RYR2: variants seen among roughly 807,000 people sequenced by gnomAD.
RYR2 encodes the protein ryanodine receptor 2.
Under a neutral mutation model 601.1 loss-of-function variants are expected in RYR2, and 227 were observed. The ratio of observed to expected loss-of-function variants is 0.38; its 90% CI spans 0.34 to 0.42. The LOEUF is 0.42. Among genes scored for constraint, RYR2 ranks in the 10% least tolerant of loss-of-function variants. The pLI, the probability that RYR2 is intolerant of heterozygous loss-of-function variation, is 1.00. For missense variants in RYR2, 4,646 were observed against 6,156.5 expected (o/e 0.75, Z 8.21); for synonymous variants, 2,223 against 2,175.1 (o/e 1.02, Z -0.61).
At chr1:237,667,622 G>T (rs953231583) in intron 57 of RYR2, among the ~76,000 whole-genome samples, 3 of 152,064 alleles carry the variant, frequency 2.0e-5, no homozygotes, top group Non-Finnish European at 2.9e-5. Context: ...AGCTATTTTG[G>T]TTTCATTATT....
In RYR2 at chr1:237,106,690, G is replaced by A. The variant is rs957284554; in HGVS notation, c.48+64121G>A. Among the ~76,000 whole-genome samples, 12 of 152,116 alleles carry A rather than the reference G, an allele frequency of 7.9e-5. No homozygotes were observed. Among genetic ancestry groups the A allele is most frequent in the Non-Finnish European group, 1.3e-4 (9 of 68,026 alleles). ...TCCCTTTTTCAGACATGGCACCTTC[G>A]TCCATTTGGGCTGCTATAACAAAAT... On this transcript the variant is annotated intron_variant, in intron 1 of 104. Coordinates refer to ENST00000366574, the MANE Select transcript of RYR2 (RefSeq NM_001035.3). This position sits in a 1 kb window ranked among gnomAD's most constrained non-coding sequence, Gnocchi z 4.4.
rs1672413566 is a variant in RYR2, at chr1:237,569,301, G to C, written c.3580G>C (p.Asp1194His). 4.3e-6 allele frequency: 7 copies of C among 1,613,792 alleles called. No homozygotes were observed. The South Asian group carries it at 7.7e-5, about 18-fold the overall frequency. The change falls in exon 29 of 105, where the codon GAC becomes CAC. Residue 1194 changes from aspartate (D) to histidine (H), a missense_variant. Asp to His is a moderately conservative substitution (Grantham distance 81). Around this residue, in one of 17 missense-constraint regions of RYR2, gnomAD observed 1,807 missense variants for 2,088.1 expected, o/e 0.87. Coordinates refer to ENST00000366574, the MANE Select transcript of RYR2 (RefSeq NM_001035.3). ...TTCAGGCTCAGAACTGGCTTTCAAG[G>C]ACTTTGATGTTGGCGATGGTAAGTC... Reference protein sequence around the residue: ...DDSGSELAFKDFDVGDGFIPV... With the variant: ...DDSGSELAFKHFDVGDGFIPV...
chr1:237,760,828 A>T, intron 83 of RYR2, 127 bp from the exon 84 acceptor site: 1 of 669,358 alleles, frequency 1.5e-6, no homozygotes, highest in South Asian at 1.8e-5. Context: ...GAATGGAGAC[A>T]TGTTTTCAGT....
At chr1:237,804,547 G>C (rs1660391954) in intron 98 of RYR2, among the ~76,000 whole-genome samples, 1 of 152,036 alleles carries the variant, frequency 6.6e-6, no homozygotes, top group South Asian at 2.1e-4. Flanking sequence ...CCATAAGTAA[G>C]AGCAGCCACC....
intron 2 of RYR2, among the ~76,000 whole-genome samples, chr1:237,326,215 C>T (rs1055590745): frequency 6.6e-6 from 1 of 151,534 alleles, no homozygotes; most frequent in African/African-American, 2.4e-5. Context: ...GATTTTTTTC[C>T]CCCTCTAAGA....
chr1:237,493,162 C>T, intron 19 of RYR2, 75 bp downstream of exon 19: 3 of 1,522,026 alleles, frequency 2.0e-6, no homozygotes, highest in Non-Finnish European at 2.7e-6. Flanking sequence ...GTAGCTGATA[C>T]TATATGGTCT....
rs1488208062 is a variant in RYR2, at chr1:237,610,438, A to G, written c.4684-324A>G. ...CCTAAAGACTTGCCAGCTTTCCCGG[A>G]GGTCCCAGCCTGGTAAAGAAATATA... On this transcript the variant is annotated intron_variant, in intron 35 of 104. Transcript: ENST00000366574. This position sits in a 1 kb window ranked among gnomAD's most constrained non-coding sequence, Gnocchi z 4.9. Among the ~76,000 whole-genome samples, 4 of 152,154 alleles carry G rather than the reference A, an allele frequency of 2.6e-5. No individual in the cohort carries two copies. The highest frequency in any genetic ancestry group is 4.8e-5 in the African/African-American group (2 of 41,426).
chr1:237,651,083 T>C (rs1573343926), intron 50 of RYR2, among the ~76,000 whole-genome samples: 1 of 152,158 alleles, frequency 6.6e-6, no homozygotes, highest in Admixed American at 6.5e-5. Flanking sequence ...GGAAGAGACA[T>C]TTACTAAAGT....
chr1:237,785,446 G>A (rs1036295338), intron 90 of RYR2, among the ~76,000 whole-genome samples: 14 of 152,168 alleles, frequency 9.2e-5, no homozygotes, highest in Admixed American at 8.5e-4. Flanking sequence ...GACACCACTG[G>A]GTATCATAGG....
At chr1:237,806,370 A>G in intron 99 of RYR2, 87 bp downstream of exon 99, 3 of 1,316,938 alleles carry the variant, frequency 2.3e-6, no homozygotes, top group East Asian at 4.6e-5. Context: ...CTCAAATGAC[A>G]ATGTACAGTT....
Position 237,248,245 on chromosome 1 carries a change from C to T in RYR2, c.49-22252C>T, listed in dbSNP as rs943733483. 1.2e-4 allele frequency among the ~76,000 whole-genome samples: 16 copies of T among 131,732 alleles called. 1 individual carries two copies. Among genetic ancestry groups the T allele is most frequent in the South Asian group, 2.7e-4 (1 of 3,732 alleles). 86.4% of individuals were successfully genotyped at this position (131,732 alleles called of 152,430 possible). A position where few individuals can be genotyped will look rare whatever the true frequency, so the allele number is the denominator to read the frequency against. On this transcript the variant is annotated intron_variant, in intron 1 of 104. Coordinates refer to ENST00000366574, the MANE Select transcript of RYR2 (RefSeq NM_001035.3). ...CGAGATCACACCACTGCACTCCAGC[C>T]TTGACAATAGAGCAAGACTCCACCC... is the stretch of plus-strand genomic sequence containing the variant.
At chr1:237,685,853 C>T (rs562759649) in intron 62 of RYR2, among the ~76,000 whole-genome samples, 7 of 152,026 alleles carry the variant, frequency 4.6e-5, no homozygotes, top group Non-Finnish European at 1.0e-4. Flanking sequence ...ATATTTTGTT[C>T]TGATAAGAAA....
intron 14 of RYR2, 121 bp downstream of exon 14, chr1:237,445,643 T>A (rs1028469765): frequency 3.3e-6 from 4 of 1,219,606 alleles, no homozygotes; most frequent in Non-Finnish European, 4.6e-6. Context: ...GTTTGGTAAG[T>A]CAGCAGAAAC....
At chr1:237,692,566 C>T (rs1687040722) in intron 63 of RYR2, among the ~76,000 whole-genome samples, 2 of 152,170 alleles carry the variant, frequency 1.3e-5, no homozygotes, top group African/African-American at 4.8e-5. Flanking sequence ...CCAGTCTCTC[C>T]TCCTCCCTAT....
chr1:237,779,062 C>T (rs1694889575), intron 88 of RYR2, among the ~76,000 whole-genome samples: 1 of 152,178 alleles, frequency 6.6e-6, no homozygotes, highest in Non-Finnish European at 1.5e-5. Flanking sequence ...AAACATTGTA[C>T]ATTTCACAAG....
rs371262363 is a variant in RYR2, at chr1:237,469,144, C to G, written c.1665C>G (p.Leu555=). 6.2e-7 allele frequency: 1 copy of G among 1,611,852 alleles called. No homozygotes were observed. Among genetic ancestry groups the G allele is most frequent in the Non-Finnish European group, 8.5e-7 (1 of 1,179,052 alleles). ...RKNCAQFSGS[L]DWLISRLERL... ...ACTGTGCTCAATTTTCTGGCTCCCT[C>G]GACTGGTTGATCAGCAGATTGGAAA... Residue 555 remains leucine (L), a synonymous_variant, in exon 17 of 105, where the codon CTC becomes CTG. Coordinates refer to ENST00000366574, the MANE Select transcript of RYR2 (RefSeq NM_001035.3).
intron 1 of RYR2, among the ~76,000 whole-genome samples, chr1:237,128,378 G>C (rs1221717345): frequency 6.6e-6 from 1 of 152,148 alleles, no homozygotes; most frequent in African/African-American, 2.4e-5. Flanking sequence ...GAGAGGGAGA[G>C]GCAGACCGTG....
At chr1:237,111,012 A>G (rs1669407816) in intron 1 of RYR2, among the ~76,000 whole-genome samples, 1 of 152,154 alleles carries the variant, frequency 6.6e-6, no homozygotes, top group Non-Finnish European at 1.5e-5. Flanking sequence ...AGCCTCTGGT[A>G]CTGGGCCACT....
At chr1:237,671,526 TGTGTGTGTGTGTGC>T (rs1402607943) in intron 58 of RYR2, among the ~76,000 whole-genome samples, 2 of 151,556 alleles carry the variant, frequency 1.3e-5, no homozygotes, top group African/African-American at 4.9e-5. Flanking sequence ...TGTGCGTGTG[TGTGTGTGTGTGTGC>T]GTGTGAGAGA....
Sources: gnomAD v4.1 joint callset for allele counts (sites outside exome capture counted in the v4.1 genomes callset) on GRCh38, gnomAD v4.1.1 for gene constraint, gnomAD v4.1.1 regional missense constraint, Gnocchi (gnomAD v3.1) non-coding constraint, MANE v1.5 for transcripts, NCBI Gene and HGNC (gene_info 2026-07-23, HGNC 2026-07-21) for gene names.